KIF6: variants seen among roughly 807,000 people sequenced by gnomAD.
The protein encoded by KIF6 is kinesin family member 6.
In KIF6, 106 loss-of-function variants were observed where a neutral mutation model predicts 112.7. The observed-to-expected ratio is 0.94, with a 90% confidence interval of 0.80 to 1.11. The LOEUF (loss-of-function observed/expected upper bound fraction) is 1.11, where lower values mean the gene tolerates loss of function less well. Ranked by LOEUF, KIF6 falls within the 50% of genes least tolerant of loss-of-function variation. KIF6 has a pLI of 0.00. For missense variants in KIF6, 929 were observed against 964.0 expected, an observed-to-expected ratio of 0.96 and a Z score of 0.48; for synonymous variants, 339 against 339.9, an observed-to-expected ratio of 1.00 and a Z score of 0.03.
intron 3 of KIF6, among the ~76,000 whole-genome samples, chr6:39,645,837 G>A (rs62403328): frequency 0.027 from 4,170 of 152,174 alleles, 88 homozygotes; most frequent in South Asian, 0.054. Context: ...GGATGAAGCT[G>A]GAAACCATCA....
chr6:39,382,132 G>A (rs183755058), intron 16 of KIF6, among the ~76,000 whole-genome samples: 331 of 152,232 alleles, frequency 2.2e-3, no homozygotes, highest in Non-Finnish European at 3.5e-3. Context: ...GAGTTGAGTG[G>A]TATTTTTCAC....
Position 39,345,641 on chromosome 6 carries a change from G to A in KIF6, c.2321+59C>T, listed in dbSNP as rs1292892556. On this transcript the variant is annotated intron_variant, in intron 21 of 22. Transcript: ENST00000287152. The stretch of plus-strand genomic sequence containing the variant: ...TTTTTCGGGGAGTAGACTGGAGATG[G>A]AGGCCCACTCCGCCCACTGCAGGGG... The A allele has an allele frequency of 3.6e-6, 5 of 1,401,208 alleles. No individual in the cohort carries two copies. In the East Asian group the frequency reaches 9.3e-5, roughly 26 times the overall value. 86.8% of individuals were successfully genotyped at this position (1,401,208 alleles called of 1,614,324 possible).
intron 19 of KIF6, among the ~76,000 whole-genome samples, chr6:39,355,459 C>CTTTTT (rs574801087): frequency 1.1e-4 from 9 of 82,750 alleles, no homozygotes; most frequent in African/African-American, 3.4e-4. Context: ...TTTAAGAAGT[C>CTTTTT]TTTTTTTTTT....
intron 15 of KIF6, among the ~76,000 whole-genome samples, chr6:39,399,566 G>A (rs1163341549): frequency 6.6e-6 from 1 of 152,208 alleles, no homozygotes; most frequent in Admixed American, 6.5e-5. Context: ...AAGACTGAAT[G>A]GCCCAGAGTT....
intron 8 of KIF6, 118 bp downstream of exon 8, chr6:39,586,143 G>A: frequency 3.3e-6 from 3 of 911,976 alleles, no homozygotes; most frequent in African/African-American, 3.3e-5. Context: ...GTAGGGTACT[G>A]CCCTCTGAAG....
rs186423646 is a variant in KIF6 at position 39,644,019 on chromosome 6, A to G, written c.252-4262T>C. On this transcript the variant is annotated intron_variant, in intron 3 of 22. Transcript: ENST00000287152. ...ACAATCTAATTAAAAAGCGGGCAAC[A>G]GATTCGAATAGACATTTCTCTAAAA... Among the ~76,000 whole-genome samples the G allele has an allele frequency of 2.2e-3, 331 of 152,268 alleles. 2 individuals carry two copies. Among genetic ancestry groups the G allele is most frequent in the African/African-American group, 7.6e-3 (316 of 41,590 alleles).
In KIF6 at chr6:39,577,359, T is replaced by C. The variant is rs144313703; in HGVS notation, c.1181+697A>G. 4.1e-3 allele frequency among the ~76,000 whole-genome samples: 624 copies of C among 152,396 alleles called. 4 individuals carry two copies. The highest frequency in any genetic ancestry group is 6.8e-3 in the Middle Eastern group (2 of 294). On this transcript the variant is annotated intron_variant, in intron 10 of 22. Coordinates refer to ENST00000287152, the MANE Select transcript of KIF6 (RefSeq NM_145027.6). ...TTATAGTATATCTTTAGAAATCCTA[T>C]GTAGCTCTATTTCTCATTTGGAAAT...
intron 3 of KIF6, among the ~76,000 whole-genome samples, chr6:39,701,234 T>A (rs139707480): frequency 6.6e-6 from 1 of 152,320 alleles, no homozygotes; most frequent in Admixed American, 6.5e-5. Flanking sequence ...CTGGTACCTA[T>A]GGGATAGCCA....
At chr6:39,458,161 A>G (rs1435076881) in intron 13 of KIF6, among the ~76,000 whole-genome samples, 2 of 148,530 alleles carry the variant, frequency 1.3e-5, no homozygotes, top group African/African-American at 2.5e-5. Flanking sequence ...CACATCAAAA[A>G]GCTTATCCAC....
rs1314596310 is a variant in KIF6 at position 39,720,991 on chromosome 6, A to T, written c.67-180T>A. Among the ~76,000 whole-genome samples the T allele has an allele frequency of 3.9e-5, 6 of 152,200 alleles. No individual in the cohort carries two copies. The South Asian group carries it at 1.0e-3, about 26-fold the overall frequency. ...GTGTGGATTCAGACAAATATATGGA[A>T]CTGAACCAGAAGTAAAACCTAAATT... On this transcript the variant is annotated intron_variant, in intron 1 of 22. Coordinates refer to ENST00000287152, the MANE Select transcript of KIF6 (RefSeq NM_145027.6).
chr6:39,333,007 C>T lies in KIF6; in HGVS notation c.*3525G>A, dbSNP rs923305747. The T allele has an allele frequency of 3.9e-5, 6 of 152,252 alleles. No homozygotes were observed. Among genetic ancestry groups the T allele is most frequent in the Admixed American group, 6.5e-5 (1 of 15,288 alleles). The allele number at this position is 152,252 out of a possible 1,614,324, so 9.4% of individuals were successfully genotyped here. A position where few individuals can be genotyped will look rare whatever the true frequency, so the allele number is the denominator to read the frequency against. On this transcript the variant is annotated 3_prime_UTR_variant, in exon 23 of 23. Transcript: ENST00000287152. Reference sequence around the variant, plus strand: ...AGGGCTCCCCTCACTTGTTTCCCTTCTCTTGCGGATCAATCATACCCTATA... The same window carrying T: ...AGGGCTCCCCTCACTTGTTTCCCTTTTCTTGCGGATCAATCATACCCTATA...
chr6:39,568,864 T>C (rs1284243056), intron 10 of KIF6, among the ~76,000 whole-genome samples: 3 of 152,188 alleles, frequency 2.0e-5, no homozygotes, highest in African/African-American at 4.8e-5. Context: ...ATTTTTCATT[T>C]TCTAATAAGC....
intron 3 of KIF6, among the ~76,000 whole-genome samples, chr6:39,682,625 G>A (rs1204123707): frequency 2.0e-5 from 3 of 152,044 alleles, no homozygotes; most frequent in Non-Finnish European, 4.4e-5. Flanking sequence ...TGTTGCCCAG[G>A]CTGGAGTGCA....
At position 39,578,418 on chromosome 6, in the gene KIF6, C is replaced by T. The variant is rs565671810; in HGVS notation, c.1078-259G>A. On this transcript the variant is annotated intron_variant, in intron 9 of 22. Transcript: ENST00000287152. ...CATGATCTTGGCTCACTGCAACCTC[C>T]GCCTCCCGGGTTCAAGCGATTCTCC... is the stretch of plus-strand genomic sequence containing the variant. 1.4e-3 allele frequency among the ~76,000 whole-genome samples: 209 copies of T among 150,798 alleles called. 1 individual carries two copies. The highest frequency in any genetic ancestry group is 4.6e-3 in the African/African-American group (189 of 40,946).
intron 3 of KIF6, among the ~76,000 whole-genome samples, chr6:39,663,062 T>G (rs1224085318): frequency 9.2e-5 from 14 of 151,970 alleles, no homozygotes; most frequent in Admixed American, 9.2e-4. Context: ...CCTGGCTAGT[T>G]TTTGTATTTT....
At chr6:39,568,326 T>G (rs1392976021) in intron 10 of KIF6, among the ~76,000 whole-genome samples, 3 of 152,108 alleles carry the variant, frequency 2.0e-5, no homozygotes, top group South Asian at 4.2e-4. Context: ...GAAGAAGGCG[T>G]TTTCAGGGAG....
chr6:39,537,431 CAGAG>C (rs951166611), intron 13 of KIF6, among the ~76,000 whole-genome samples: 25 of 151,916 alleles, frequency 1.6e-4, no homozygotes, highest in African/African-American at 5.3e-4. Context: ...AACAGACAAA[CAGAG>C]AGCCAAATCA....
At chr6:39,499,642 C>G (rs1341193571) in intron 13 of KIF6, among the ~76,000 whole-genome samples, 1 of 152,140 alleles carries the variant, frequency 6.6e-6, no homozygotes, top group African/African-American at 2.4e-5. Flanking sequence ...TTCTGTTTTC[C>G]TCCTAGGACC....
intron 13 of KIF6, among the ~76,000 whole-genome samples, chr6:39,518,268 T>C (rs1325085305): frequency 6.6e-6 from 1 of 152,188 alleles, no homozygotes; most frequent in Non-Finnish European, 1.5e-5. Context: ...TGTGTGTATG[T>C]GTGTGCTGTG....
Sources: gnomAD v4.1 joint callset for allele counts (sites outside exome capture counted in the v4.1 genomes callset) on GRCh38, gnomAD v4.1.1 for gene constraint, MANE v1.5 for transcripts, NCBI Gene and HGNC (gene_info 2026-07-23, HGNC 2026-07-21) for gene names.